The following CTPS2 variants were observed in gnomAD, a reference collection of about 807,000 sequenced individuals.
CTPS2 encodes CTP synthase II.
Under a neutral mutation model 46.8 loss-of-function variants are expected in CTPS2, and 19 were observed. The ratio of observed to expected loss-of-function variants is 0.41; its 90% CI spans 0.28 to 0.60. The LOEUF (loss-of-function observed/expected upper bound fraction) is 0.60, where lower values mean the gene tolerates loss of function less well. Among genes scored for constraint, CTPS2 ranks in the 20% least tolerant of loss-of-function variants. The pLI is 0.35. For synonymous variants in CTPS2, 151 were observed against 165.2 expected (o/e 0.91, Z 0.66); for missense variants, 286 against 447.6 (o/e 0.64, Z 3.26).
intron 8 of CTPS2, among the ~76,000 whole-genome samples, chrX:16,684,102 G>A (rs1922956368): frequency 8.9e-6 from 1 of 111,933 alleles, no homozygotes; most frequent in Non-Finnish European, 1.9e-5. Context: ...TATTAGGTAC[G>A]TGGAAATGTC....
intron 10 of CTPS2, among the ~76,000 whole-genome samples, chrX:16,674,647 G>GT (rs1235368397): frequency 9.6e-6 from 1 of 103,804 alleles, no homozygotes; most frequent in Non-Finnish European, 2.0e-5. Flanking sequence ...GACCATCCTG[G>GT]CTAACACGGT....
At chrX:16,660,990 G>A (rs1364030399) in intron 13 of CTPS2, among the ~76,000 whole-genome samples, 3 of 103,962 alleles carry the variant, frequency 2.9e-5, no homozygotes, top group South Asian at 8.7e-4. Context: ...ACAGAGTTTC[G>A]CTCTTGTTGC....
chrX:16,595,078 G>C (rs1219660858), intron 17 of CTPS2, among the ~76,000 whole-genome samples: 1 of 111,549 alleles, frequency 9.0e-6, no homozygotes, highest in East Asian at 2.8e-4. Flanking sequence ...TAAGTCATAA[G>C]CTAGATGTGT....
rs181636869 is a variant in CTPS2 at position 16,672,072 on chromosome X, C to T, written c.1095-1398G>A. 4.5e-3 allele frequency among the ~76,000 whole-genome samples: 498 copies of T among 111,079 alleles called. 2 individuals carry two copies. The highest frequency in any genetic ancestry group is 0.033 in the Middle Eastern group (7 of 213). ...AGGCACAACTTAGGAAGGTTAGAGTCCTTCCTAAGGTTTAGGGGGTTAGAG... is the reference window on the plus strand; with the variant it reads ...AGGCACAACTTAGGAAGGTTAGAGTTCTTCCTAAGGTTTAGGGGGTTAGAG... On this transcript the variant is annotated intron_variant, in intron 10 of 18. Transcript: ENST00000359276.
At chrX:16,692,457 A>G (rs1923782361) in intron 6 of CTPS2, among the ~76,000 whole-genome samples, 1 of 110,418 alleles carries the variant, frequency 9.1e-6, no homozygotes, top group Non-Finnish European at 1.9e-5. Context: ...ACAGAGCCAG[A>G]CCCCGTCTCA....
chrX:16,619,480 C>T (rs948766322), intron 15 of CTPS2, among the ~76,000 whole-genome samples: 2 of 111,372 alleles, frequency 1.8e-5, no homozygotes, highest in African/African-American at 6.5e-5. Flanking sequence ...CACCTGGGAA[C>T]TATATGGGAG....
chrX:16,630,222 T>C (rs1247481119), intron 14 of CTPS2, among the ~76,000 whole-genome samples: 3 of 108,384 alleles, frequency 2.8e-5, no homozygotes, highest in African/African-American at 1.0e-4. Context: ...TGCCCTGGGC[T>C]CCTAATTCCT....
chrX:16,663,221 C>T (rs1032685203), intron 13 of CTPS2, among the ~76,000 whole-genome samples: 2 of 111,658 alleles, frequency 1.8e-5, no homozygotes, highest in African/African-American at 3.3e-5. Context: ...GATCACAGCT[C>T]ACTGCAGCTC....
chrX:16,598,819 A>G (rs981050433), intron 17 of CTPS2, among the ~76,000 whole-genome samples: 3 of 111,731 alleles, frequency 2.7e-5, no homozygotes, highest in East Asian at 2.8e-4. Flanking sequence ...GTAAAATACT[A>G]GCAAACCGAA....
intron 6 of CTPS2, 57 bp from the exon 7 acceptor site, chrX:16,691,677 T>C (rs184190448): frequency 1.0e-6 from 1 of 991,056 alleles, no homozygotes; most frequent in Non-Finnish European, 1.4e-6. Context: ...GGATGCCACA[T>C]TCATTTCTTT....
intron 13 of CTPS2, among the ~76,000 whole-genome samples, chrX:16,663,634 C>T (rs943426070): frequency 4.5e-5 from 5 of 110,390 alleles, no homozygotes; most frequent in East Asian, 2.8e-4. Flanking sequence ...GGCTGTAGTG[C>T]GCTATGATCA....
At chrX:16,614,607 G>A (rs1930429656) in intron 16 of CTPS2, among the ~76,000 whole-genome samples, 1 of 112,512 alleles carries the variant, frequency 8.9e-6, no homozygotes, top group African/African-American at 3.2e-5. Flanking sequence ...TCTCTGCCAT[G>A]GTAGCATAAA....
chrX:16,633,754 C>T (rs1931605019), intron 14 of CTPS2, among the ~76,000 whole-genome samples: 2 of 111,902 alleles, frequency 1.8e-5, no homozygotes, highest in Non-Finnish European at 3.8e-5. Flanking sequence ...TCCATTAATA[C>T]AGCAAGAAGA....
At chrX:16,663,097 C>G (rs1251989204) in intron 13 of CTPS2, among the ~76,000 whole-genome samples, 2 of 111,463 alleles carry the variant, frequency 1.8e-5, no homozygotes, top group Non-Finnish European at 3.8e-5. Context: ...GTGGAATGAT[C>G]AGTATATAAA....
At chrX:16,601,434 C>G (rs1239543983) in intron 17 of CTPS2, among the ~76,000 whole-genome samples, 1 of 111,042 alleles carries the variant, frequency 9.0e-6, no homozygotes, top group Admixed American at 9.6e-5. Context: ...GGATATAGAT[C>G]CCTATTCCCC....
intron 14 of CTPS2, among the ~76,000 whole-genome samples, chrX:16,628,579 T>G (rs1931290789): frequency 9.0e-6 from 1 of 111,192 alleles, no homozygotes; most frequent in Admixed American, 9.6e-5. Flanking sequence ...TTGGCCAGGC[T>G]GGTCTCAAAG....
At chrX:16,685,478 G>C (rs1420213828) in intron 8 of CTPS2, among the ~76,000 whole-genome samples, 1 of 110,751 alleles carries the variant, frequency 9.0e-6, no homozygotes, top group Non-Finnish European at 1.9e-5. Flanking sequence ...CCGAATGTGA[G>C]GCAAGCATGT....
Position 16,645,132 on chromosome X carries a change from G to A in CTPS2, c.1297-5889C>T, listed in dbSNP as rs369740620. Among the ~76,000 whole-genome samples, 29 of 109,099 alleles carry A rather than the reference G, an allele frequency of 2.7e-4. 1 individual carries two copies. In the East Asian group the frequency reaches 5.7e-3, roughly 21 times the overall value. 94.7% of individuals were successfully genotyped at this position (109,099 alleles called of 115,157 possible). ...TGAGTAGCTGGGACTACAGGCGCCC[G>A]CCACCATGCCCGGCTAACTTTTTTT... On this transcript the variant is annotated intron_variant, in intron 13 of 18. Transcript: ENST00000359276.
chrX:16,661,901 G>A (rs1217419303), intron 13 of CTPS2, among the ~76,000 whole-genome samples: 1 of 109,477 alleles, frequency 9.1e-6, no homozygotes, highest in Non-Finnish European at 1.9e-5. Flanking sequence ...TGTAAATTTA[G>A]AATTTTTAGT....
Sources: gnomAD v4.1 joint callset for allele counts (sites outside exome capture counted in the v4.1 genomes callset) on GRCh38, gnomAD v4.1.1 for gene constraint, MANE v1.5 for transcripts, NCBI Gene and HGNC (gene_info 2026-07-23, HGNC 2026-07-21) for gene names.